Variants in ANKS1B observed in about 807,000 individuals in gnomAD.
ANKS1B encodes ankyrin repeat and sterile alpha motif domain-containing protein 1B.
ANKS1B carries 36 observed loss-of-function variants against 148.3 expected under a neutral mutation model. The observed-to-expected ratio is 0.24, with a 90% CI of 0.19 to 0.32. The LOEUF (loss-of-function observed/expected upper bound fraction) is 0.32, where lower values mean the gene tolerates loss of function less well. Ranked by LOEUF, ANKS1B falls within the 10% of genes least tolerant of loss-of-function variation. ANKS1B has a pLI of 1.00. For synonymous variants in ANKS1B, 542 were observed against 560.8 expected (o/e 0.97, Z 0.47); for missense variants, 1,157 against 1,542.6 (o/e 0.75, Z 4.19).
intron 1 of ANKS1B, among the ~76,000 whole-genome samples, chr12:99,914,827 A>G (rs1418145967): frequency 6.6e-6 from 1 of 152,114 alleles, no homozygotes; most frequent in Non-Finnish European, 1.5e-5. Flanking sequence ...CTCTAATTGC[A>G]TGGAGACCTG....
At chr12:98,889,884 T>G (rs1434382875) in intron 17 of ANKS1B, among the ~76,000 whole-genome samples, 1 of 152,216 alleles carries the variant, frequency 6.6e-6, no homozygotes, top group African/African-American at 2.4e-5. Flanking sequence ...CTTGAGTCAC[T>G]GTTTGTGTCA....
At chr12:99,132,252 C>T (rs185386618) in intron 15 of ANKS1B, among the ~76,000 whole-genome samples, 6 of 152,130 alleles carry the variant, frequency 3.9e-5, no homozygotes, top group Admixed American at 2.0e-4. Flanking sequence ...GAAAGGACCA[C>T]GAGGCTCGAA....
intron 16 of ANKS1B, among the ~76,000 whole-genome samples, chr12:99,066,350 G>C (rs2044325338): frequency 6.6e-6 from 1 of 152,050 alleles, no homozygotes; most frequent in South Asian, 2.1e-4. Flanking sequence ...AATAAAGACG[G>C]TGGATTGGCT....
intron 12 of ANKS1B, among the ~76,000 whole-genome samples, chr12:99,368,504 A>C (rs2092910702): frequency 1.3e-5 from 2 of 152,090 alleles, no homozygotes; most frequent in Admixed American, 6.5e-5. Context: ...TAAGATTTTC[A>C]TTATAAAAGA....
Position 98,751,230 on chromosome 12 carries a change from C to G in ANKS1B, c.3747+125G>C. On this transcript the variant is annotated intron_variant, in intron 26 of 26. Transcript: ENST00000683438. This position sits in a 1 kb window ranked among gnomAD's most constrained non-coding sequence, Gnocchi z 4.3. ...ATGATGGACACATGCCAGGAGGAGGCCAAGGGAAAGGATGAAGAAGAGGCC... is the reference window on the plus strand; with the variant it reads ...ATGATGGACACATGCCAGGAGGAGGGCAAGGGAAAGGATGAAGAAGAGGCC... The G allele has an allele frequency of 2.0e-6, 2 of 1,002,236 alleles. No homozygotes were observed. The highest frequency in any genetic ancestry group is 1.4e-6 in the Non-Finnish European group (1 of 690,130). The allele number at this position is 1,002,236 out of a possible 1,614,324, so 62.1% of individuals were successfully genotyped here. A position where few individuals can be genotyped will look rare whatever the true frequency, so the allele number is the denominator to read the frequency against.
At chr12:99,238,279 C>T (rs187986457) in intron 14 of ANKS1B, among the ~76,000 whole-genome samples, 17 of 152,346 alleles carry the variant, frequency 1.1e-4, no homozygotes, top group East Asian at 1.9e-4. Context: ...CCCACACCCA[C>T]GGATCCTTGC....
chr12:99,519,364 G>C (rs962438852), intron 9 of ANKS1B, among the ~76,000 whole-genome samples: 1 of 152,084 alleles, frequency 6.6e-6, no homozygotes, highest in Non-Finnish European at 1.5e-5. Flanking sequence ...TGTCTCTTTA[G>C]CTCTAATAAT....
intron 9 of ANKS1B, among the ~76,000 whole-genome samples, chr12:99,572,266 G>T (rs909807770): frequency 6.6e-6 from 1 of 151,976 alleles, no homozygotes; most frequent in African/African-American, 2.4e-5. Context: ...ATCTTGAATT[G>T]AAATAAAACA....
intron 17 of ANKS1B, among the ~76,000 whole-genome samples, chr12:99,040,275 C>CATGTGT (rs556441204): frequency 6.8e-6 from 1 of 147,452 alleles, no homozygotes; most frequent in African/African-American, 2.5e-5. Flanking sequence ...TGTGCGTGTG[C>CATGTGT]GTGTGTGTGT....
intron 14 of ANKS1B, among the ~76,000 whole-genome samples, chr12:99,162,261 A>C (rs2076726911): frequency 6.6e-6 from 1 of 152,138 alleles, no homozygotes; most frequent in African/African-American, 2.4e-5. Context: ...ATGGTTGCAC[A>C]ACTCTGTGAC....
At chr12:99,641,859 A>AT (rs577948325) in intron 9 of ANKS1B, among the ~76,000 whole-genome samples, 3 of 152,242 alleles carry the variant, frequency 2.0e-5, no homozygotes, top group Non-Finnish European at 2.9e-5. Context: ...TATTCCGTCT[A>AT]TTTTTTTAAT....
At chr12:98,738,455 G>C (rs1183584648) in intron 9 of ANKS1B, among the ~76,000 whole-genome samples, 1 of 152,178 alleles carries the variant, frequency 6.6e-6, no homozygotes, top group African/African-American at 2.4e-5. Context: ...CAGGTGAGTG[G>C]AGACTCCTGC....
chr12:99,865,549 A>G (rs1338677974), intron 1 of ANKS1B, among the ~76,000 whole-genome samples: 5 of 152,322 alleles, frequency 3.3e-5, no homozygotes, highest in South Asian at 2.1e-4. Context: ...ATCAATGACT[A>G]GAAGCCAAGT....
intron 8 of ANKS1B, among the ~76,000 whole-genome samples, chr12:99,659,230 T>A (rs12370871): frequency 0.27 from 40,948 of 151,916 alleles, 5,919 homozygotes; most frequent in African/African-American, 0.3. Flanking sequence ...CAGTTAAAGA[T>A]TTGAAGGAAA....
chr12:99,591,123 T>C lies in ANKS1B; in HGVS notation c.1272+63944A>G, dbSNP rs1168485996. ...TATGCTGTATTTTAAAGTTAAATAA[T>C]TATAGTCGAGAATACTGATCTTATT... On this transcript the variant is annotated intron_variant, in intron 9 of 26. Coordinates refer to ENST00000683438, the MANE Select transcript of ANKS1B (RefSeq NM_001352186.2). Among the ~76,000 whole-genome samples, 3 of 152,068 alleles carry C rather than the reference T, an allele frequency of 2.0e-5. No individual in the cohort carries two copies. The East Asian group carries it at 5.8e-4, about 29-fold the overall frequency.
intron 14 of ANKS1B, among the ~76,000 whole-genome samples, chr12:99,183,618 G>C (rs575177891): frequency 6.6e-6 from 1 of 152,222 alleles, no homozygotes; most frequent in Non-Finnish European, 1.5e-5. Context: ...ACTCCAGCCT[G>C]GGTAACAAGA....
chr12:99,505,004 T>C (rs1403612692), intron 9 of ANKS1B, among the ~76,000 whole-genome samples: 5 of 152,072 alleles, frequency 3.3e-5, no homozygotes, highest in Non-Finnish European at 7.4e-5. Flanking sequence ...GAGACACCCA[T>C]ATAACTCAAC....
intron 19 of ANKS1B, among the ~76,000 whole-genome samples, chr12:98,823,782 G>A (rs2099221957): frequency 6.6e-6 from 1 of 152,260 alleles, no homozygotes; most frequent in South Asian, 2.1e-4. Context: ...GTGAGCCACG[G>A]TGCCTGGCCA....
intron 21 of ANKS1B, among the ~76,000 whole-genome samples, chr12:98,799,428 C>G (rs2098980654): frequency 6.6e-6 from 1 of 150,790 alleles, no homozygotes; most frequent in African/African-American, 2.4e-5. Context: ...TATTCTGCTG[C>G]ATAGGTAATT....
Sources: allele counts gnomAD v4.1 joint callset (sites outside exome capture counted in the v4.1 genomes callset), GRCh38; gene constraint gnomAD v4.1.1; non-coding constraint Gnocchi (gnomAD v3.1); transcripts MANE v1.5; gene names NCBI Gene and HGNC (gene_info 2026-07-23, HGNC 2026-07-21).